Variants in KDM4C observed in about 807,000 individuals in gnomAD.
KDM4C encodes the protein lysine-specific demethylase 4C.
KDM4C carries 81 observed loss-of-function variants against 129.3 expected under a neutral mutation model. That is an observed-to-expected ratio of 0.63 (90% CI 0.52 to 0.75). KDM4C has a LOEUF of 0.75. Among genes scored for constraint, KDM4C ranks in the 30% least tolerant of loss-of-function variants. The pLI, the probability that KDM4C is intolerant of heterozygous loss-of-function variation, is 0.00. For synonymous variants in KDM4C, 573 were observed against 456.1 expected (o/e 1.26, Z -3.26); for missense variants, 1,457 against 1,304.0 (o/e 1.12, Z -1.81).
At chr9:6,853,540 A>C (rs1323601945) in intron 5 of KDM4C, among the ~76,000 whole-genome samples, 3 of 152,218 alleles carry the variant, frequency 2.0e-5, no homozygotes, top group Admixed American at 6.5e-5. Flanking sequence ...GGTAACTATT[A>C]AGAATACTAA....
At position 7,037,233 on chromosome 9, in the gene KDM4C, G is replaced by A. The variant is rs867614378; in HGVS notation, c.2260-9629G>A. Among the ~76,000 whole-genome samples the A allele has an allele frequency of 3.9e-5, 6 of 152,248 alleles. No homozygotes were observed. In the South Asian group the frequency reaches 6.2e-4, roughly 16 times the overall value. The stretch of plus-strand genomic sequence containing the variant: ...AGATAAATGAGGGTGTGTTTGTGGG[G>A]GTACTTCAATCTAATTATTTTTCTA... On this transcript the variant is annotated intron_variant, in intron 15 of 21. Transcript: ENST00000381309.
At chr9:6,796,992 T>G (rs1228954957) in intron 2 of KDM4C, among the ~76,000 whole-genome samples, 3 of 39,772 alleles carry the variant, frequency 7.5e-5, no homozygotes, top group African/African-American at 6.3e-4. Context: ...TAATGCACTA[T>G]TTTTTTTTTT....
chr9:7,103,649 T>C (rs2133152833), intron 17 of KDM4C, 36 bp from the exon 18 acceptor site: 1 of 1,502,180 alleles, frequency 6.7e-7, no homozygotes, highest in South Asian at 1.1e-5. Flanking sequence ...GGTTACAGAA[T>C]GTGAATTGAT....
intron 15 of KDM4C, among the ~76,000 whole-genome samples, chr9:7,036,796 G>A (rs886733278): frequency 4.6e-5 from 7 of 152,102 alleles, no homozygotes; most frequent in African/African-American, 1.7e-4. Flanking sequence ...CAACTGTGAG[G>A]GCAGGATCTT....
intron 1 of KDM4C, among the ~76,000 whole-genome samples, chr9:6,770,107 T>G (rs1222716754): frequency 6.6e-6 from 1 of 151,352 alleles, no homozygotes; most frequent in Non-Finnish European, 1.5e-5. Flanking sequence ...TGATCCTGGG[T>G]GGTGGAGGTT....
At chr9:7,025,468 T>G (rs919959748) in intron 15 of KDM4C, among the ~76,000 whole-genome samples, 1 of 152,240 alleles carries the variant, frequency 6.6e-6, no homozygotes, top group Non-Finnish European at 1.5e-5. Context: ...TTGAAGGTGA[T>G]TTTGTCTTGT....
intron 19 of KDM4C, among the ~76,000 whole-genome samples, chr9:7,143,214 C>T (rs1010921507): frequency 8.5e-5 from 13 of 152,182 alleles, no homozygotes; most frequent in African/African-American, 1.2e-4. Context: ...TGCCTCTATA[C>T]GCAGATCTAT....
rs1284299762 is a variant in KDM4C, at chr9:6,758,134, C to G, written c.-87C>G. The G allele has an allele frequency of 7.1e-6, 7 of 985,562 alleles. No individual in the cohort carries two copies. The highest frequency in any genetic ancestry group is 1.7e-5 in the African/African-American group (1 of 57,256). The allele number at this position is 985,562 out of a possible 1,614,324, so 61.1% of individuals were successfully genotyped here. A position where few individuals can be genotyped will look rare whatever the true frequency, so the allele number is the denominator to read the frequency against. ...AGTCTCCCAAATTTCCCAAATCTCC[C>G]TGGGCCGGAGGCCACTGTCTTCTCT... On this transcript the variant is annotated 5_prime_UTR_variant, in exon 1 of 22. Coordinates refer to ENST00000381309, the MANE Select transcript of KDM4C (RefSeq NM_015061.6). This position sits in a 1 kb window ranked among gnomAD's most constrained non-coding sequence, Gnocchi z 4.6.
rs561657210 is a variant in KDM4C, at chr9:7,149,416, C to T, written c.2782-15822C>T. On this transcript the variant is annotated intron_variant, in intron 19 of 21. Transcript: ENST00000381309. ...GGGACCCTGAGAGCACAGGGATGCC[C>T]GGGTCCAGAGCCACGGCTGGGCAGC... Among the ~76,000 whole-genome samples the T allele has an allele frequency of 9.2e-5, 14 of 152,364 alleles. No individual in the cohort carries two copies. In the South Asian group the frequency reaches 1.0e-3, roughly 11 times the overall value.
chr9:7,161,472 A>AT (rs1368240933), intron 19 of KDM4C, among the ~76,000 whole-genome samples: 2 of 152,136 alleles, frequency 1.3e-5, no homozygotes, highest in Non-Finnish European at 2.9e-5. Context: ...CAGACCTTTT[A>AT]TTTTTAAAAG....
upstream of KDM4C, among the ~76,000 whole-genome samples, chr9:6,757,336 G>A (rs1453991281): frequency 2.6e-5 from 4 of 152,144 alleles, no homozygotes; most frequent in Non-Finnish European, 4.4e-5. Flanking sequence ...GCACACTTGG[G>A]CGGGTCGGGG....
At position 7,015,784 on chromosome 9, in the gene KDM4C, G is replaced by T. The variant is rs967104083; in HGVS notation, c.2183-69G>T. 46 of 1,036,156 alleles carry T rather than the reference G, an allele frequency of 4.4e-5. No individual in the cohort carries two copies. The African/African-American group carries it at 7.0e-4, about 16-fold the overall frequency. The allele number at this position is 1,036,156 out of a possible 1,614,324, so 64.2% of individuals were successfully genotyped here. A position where few individuals can be genotyped will look rare whatever the true frequency, so the allele number is the denominator to read the frequency against. On this transcript the variant is annotated intron_variant, in intron 14 of 21. Transcript: ENST00000381309. Reference sequence around the variant, plus strand: ...TAGTGTCCCATTTTTATTTATTTCAGTACTGAGATCTGCAATATTTTAAAG... The same window carrying T: ...TAGTGTCCCATTTTTATTTATTTCATTACTGAGATCTGCAATATTTTAAAG...
intron 5 of KDM4C, among the ~76,000 whole-genome samples, chr9:6,854,332 C>A (rs1588706124): frequency 6.6e-6 from 1 of 152,016 alleles, no homozygotes; most frequent in African/African-American, 2.4e-5. Flanking sequence ...AGCTCGAGAC[C>A]AGCCTCAACA....
intron 8 of KDM4C, among the ~76,000 whole-genome samples, chr9:6,946,349 C>A (rs1183263738): frequency 6.6e-6 from 1 of 151,960 alleles, no homozygotes; most frequent in East Asian, 1.9e-4. Flanking sequence ...TTTTTCTTTA[C>A]TTTTTGTTCC....
intron 1 of KDM4C, among the ~76,000 whole-genome samples, chr9:6,721,746 G>C (rs773082137): frequency 6.6e-6 from 1 of 151,718 alleles, no homozygotes; most frequent in Non-Finnish European, 1.5e-5. Context: ...CTGCCGCCAC[G>C]CCCGGCTAAT....
chr9:6,956,616 G>A (rs776711165), intron 8 of KDM4C, among the ~76,000 whole-genome samples: 1 of 152,068 alleles, frequency 6.6e-6, no homozygotes, highest in Non-Finnish European at 1.5e-5. Flanking sequence ...CTAAGGTTGC[G>A]TTTGTACTAC....
intron 8 of KDM4C, among the ~76,000 whole-genome samples, chr9:6,912,421 A>G (rs1819491734): frequency 6.6e-6 from 1 of 152,206 alleles, no homozygotes; most frequent in Admixed American, 6.5e-5. Context: ...TGCTTCACAT[A>G]GGCGCTGTTC....
intron 1 of KDM4C, among the ~76,000 whole-genome samples, chr9:6,783,263 G>A (rs1824757123): frequency 6.6e-6 from 1 of 152,166 alleles, no homozygotes; most frequent in South Asian, 2.1e-4. Flanking sequence ...ATTAGCTGTG[G>A]TCAGTGCTGG....
At chr9:6,994,112 A>G (rs1017787954) in intron 12 of KDM4C, among the ~76,000 whole-genome samples, 2 of 152,054 alleles carry the variant, frequency 1.3e-5, no homozygotes, top group African/African-American at 4.8e-5. Flanking sequence ...GGAGTGTGCA[A>G]CCTAGATCCC....
Sources: gnomAD v4.1 joint callset for allele counts (sites outside exome capture counted in the v4.1 genomes callset) on GRCh38, gnomAD v4.1.1 for gene constraint, Gnocchi (gnomAD v3.1) non-coding constraint, MANE v1.5 for transcripts, NCBI Gene and HGNC (gene_info 2026-07-23, HGNC 2026-07-21) for gene names.